Variants in NVL observed in about 807,000 individuals in gnomAD.
NVL encodes the protein nuclear VCP like, also known as nuclear valosin-containing protein-like.
Under a neutral mutation model 110.2 loss-of-function variants are expected in NVL, and 84 were observed. That is an observed-to-expected ratio of 0.76 (90% CI 0.64 to 0.91). The LOEUF is 0.91. Among genes scored for constraint, NVL ranks in the 40% least tolerant of loss-of-function variants. The pLI, the probability that NVL is intolerant of heterozygous loss-of-function variation, is 0.00. For missense variants in NVL, 882 were observed against 1,035.9 expected (o/e 0.85, Z 2.04); for synonymous variants, 354 against 361.1 (o/e 0.98, Z 0.22).
chr1:224,262,502 A>G (rs544700238), intron 18 of NVL, among the ~76,000 whole-genome samples: 2 of 152,290 alleles, frequency 1.3e-5, no homozygotes, highest in Non-Finnish European at 2.9e-5. Context: ...AAGATAAAAA[A>G]AGTACACACA....
intron 2 of NVL, 42 bp from the exon 3 acceptor site, chr1:224,317,972 C>A: frequency 7.3e-7 from 1 of 1,370,760 alleles, no homozygotes. Context: ...TAGTCTCCAC[C>A]AATATTTTTC....
chr1:224,308,033 T>C lies in NVL; in HGVS notation c.573A>G (p.Ser191=). ...GCTTCTTAGGATTACTTTTCTCACATGACAGGTCCAAGAAAAAACTGTCTT... is the reference window on the plus strand; with the variant it reads ...GCTTCTTAGGATTACTTTTCTCACACGACAGGTCCAAGAAAAAACTGTCTT... ...VKKDSFFLDL[S]CEKSNPKKPI... Residue 191 remains serine (S), a synonymous_variant, in exon 6 of 23, where the codon TCA becomes TCG. Coordinates refer to ENST00000281701, the MANE Select transcript of NVL (RefSeq NM_002533.4). The C allele has an allele frequency of 1.3e-6, 2 of 1,578,922 alleles. No homozygotes were observed. The highest frequency in any genetic ancestry group is 1.7e-6 in the Non-Finnish European group (2 of 1,165,218).
In NVL at chr1:224,330,106, A is replaced by C. The variant is rs909775101; in HGVS notation, c.22T>G (p.Phe8Val). ...CGCTGCTTGAGTTTATTATCCACGA[A>C]CCCTGCAGGTCTGGGCTTCATCGCG... Reference protein sequence around the residue: MKPRPAGFVDNKLKQRVI... With the variant: MKPRPAGVVDNKLKQRVI... The change falls in exon 1 of 23, where the codon TTC becomes GTC. Residue 8 changes from phenylalanine to valine, a missense_variant. By Grantham distance (50) the Phe-to-Val change is conservative. This residue lies in a region of NVL where 274 missense variants were observed against 268.4 expected (regional missense o/e 1.02). Coordinates refer to ENST00000281701, the MANE Select transcript of NVL (RefSeq NM_002533.4). 1.2e-6 allele frequency: 2 copies of C among 1,613,906 alleles called. No individual in the cohort carries two copies. Among genetic ancestry groups the C allele is most frequent in the Admixed American group, 1.7e-5 (1 of 59,978 alleles).
intron 2 of NVL, among the ~76,000 whole-genome samples, chr1:224,319,238 C>G (rs961067202): frequency 2.7e-5 from 4 of 150,050 alleles, no homozygotes; most frequent in Admixed American, 6.7e-5. Context: ...GATAAATTAT[C>G]TAATATACAG....
intron 20 of NVL, among the ~76,000 whole-genome samples, chr1:224,234,835 T>G (rs572587281): frequency 2.0e-5 from 3 of 152,260 alleles, no homozygotes; most frequent in African/African-American, 7.2e-5. Context: ...CCATTCAACT[T>G]TAGCCCTAAC....
intron 12 of NVL, among the ~76,000 whole-genome samples, chr1:224,290,507 A>C (rs1179987711): frequency 6.6e-6 from 1 of 152,138 alleles, no homozygotes; most frequent in Non-Finnish European, 1.5e-5. Flanking sequence ...ACATACAAAA[A>C]TTAGCTGGGC....
intron 16 of NVL, among the ~76,000 whole-genome samples, chr1:224,277,802 A>G (rs1485079426): frequency 3.9e-5 from 6 of 152,210 alleles, no homozygotes; most frequent in African/African-American, 1.4e-4. Flanking sequence ...CCAAATCCCA[A>G]GTCCCACTCT....
intron 19 of NVL, among the ~76,000 whole-genome samples, chr1:224,248,373 C>A (rs1456586293): frequency 6.6e-6 from 1 of 152,092 alleles, no homozygotes; most frequent in Non-Finnish European, 1.5e-5. Context: ...TGCTTAATTT[C>A]ATAACTTTTA....
At chr1:224,257,136 A>G in intron 18 of NVL, 1 of 521,226 alleles carries the variant, frequency 1.9e-6, no homozygotes. Flanking sequence ...AAGACAAAAA[A>G]TAACAATTCT....
At chr1:224,276,461 A>T (rs1665768222) in intron 16 of NVL, among the ~76,000 whole-genome samples, 1 of 151,902 alleles carries the variant, frequency 6.6e-6, no homozygotes, top group African/African-American at 2.4e-5. Context: ...CTGGTCTCGA[A>T]CTCCTGAACT....
At chr1:224,285,951 A>G (rs899075902) in intron 15 of NVL, 75 bp downstream of exon 15, 15 of 1,106,176 alleles carry the variant, frequency 1.4e-5, no homozygotes, top group Non-Finnish European at 1.8e-5. Flanking sequence ...CCTCACTGTA[A>G]TATTTAAAGT....
At chr1:224,265,627 A>T (rs1449669129) in intron 18 of NVL, among the ~76,000 whole-genome samples, 3 of 152,218 alleles carry the variant, frequency 2.0e-5, no homozygotes, top group African/African-American at 7.2e-5. Flanking sequence ...GTATTCCCCA[A>T]ATTTCACGTG....
chr1:224,327,065 C>A (rs1409837442), intron 1 of NVL, among the ~76,000 whole-genome samples: 1 of 152,050 alleles, frequency 6.6e-6, no homozygotes, highest in Admixed American at 6.6e-5. Context: ...TCGCTTAAGC[C>A]CAGACTTAGA....
intron 11 of NVL, among the ~76,000 whole-genome samples, chr1:224,295,784 C>G (rs993822169): frequency 6.6e-6 from 1 of 151,082 alleles, no homozygotes; most frequent in African/African-American, 2.4e-5. Flanking sequence ...TCGAGACCAG[C>G]CTGGCCAACA....
intron 5 of NVL, among the ~76,000 whole-genome samples, chr1:224,310,795 A>T (rs1008088488): frequency 6.6e-5 from 10 of 151,494 alleles, no homozygotes; most frequent in African/African-American, 2.4e-4. Context: ...GAATGGCACA[A>T]TCATAGCTCA....
At chr1:224,240,450 A>G (rs976760895) in intron 19 of NVL, among the ~76,000 whole-genome samples, 2 of 152,062 alleles carry the variant, frequency 1.3e-5, no homozygotes, top group Non-Finnish European at 2.9e-5. Flanking sequence ...TGACCTTGTG[A>G]TCTGCCCGCC....
At chr1:224,308,584 G>A (rs10799559) in intron 5 of NVL, among the ~76,000 whole-genome samples, 127,865 of 151,226 alleles carry the variant, frequency 0.85, 55,957 homozygotes, top group Non-Finnish European at 0.94. Flanking sequence ...CCAGCTACTT[G>A]GGAGGCTGAG....
intron 17 of NVL, among the ~76,000 whole-genome samples, chr1:224,273,055 AC>A (rs1571907173): frequency 1.4e-5 from 2 of 139,764 alleles, no homozygotes; most frequent in South Asian, 2.3e-4. Context: ...AAAAAAACAA[AC>A]AAACAAAAAA....
chr1:224,299,291 A>T (rs1385383299), intron 10 of NVL, among the ~76,000 whole-genome samples: 1 of 152,182 alleles, frequency 6.6e-6, no homozygotes, highest in Non-Finnish European at 1.5e-5. Flanking sequence ...AGTACTTGTC[A>T]GTGACCTGGA....
Sources: gnomAD v4.1 joint callset for allele counts (sites outside exome capture counted in the v4.1 genomes callset) on GRCh38, gnomAD v4.1.1 for gene constraint, gnomAD v4.1.1 regional missense constraint, MANE v1.5 for transcripts, NCBI Gene and HGNC (gene_info 2026-07-23, HGNC 2026-07-21) for gene names.